SORL1: variants seen among roughly 807,000 people sequenced by gnomAD.
SORL1 encodes the protein sortilin-related receptor.
Under a neutral mutation model 273.7 loss-of-function variants are expected in SORL1, and 127 were observed. That is an observed-to-expected ratio of 0.46 (90% CI 0.40 to 0.54). SORL1 has a LOEUF of 0.54. Among genes scored for constraint, SORL1 ranks in the 20% least tolerant of loss-of-function variants. SORL1 has a pLI of 0.00. For synonymous variants in SORL1, 1,031 were observed against 1,067.4 expected, an observed-to-expected ratio of 0.97 and a Z score of 0.66; for missense variants, 2,494 against 2,846.1, an observed-to-expected ratio of 0.88 and a Z score of 2.81.
chr11:121,543,698 C>A lies in SORL1; in HGVS notation c.1836C>A (p.Ile612=), dbSNP rs769255404. The change falls in exon 13 of 48, where the codon ATC becomes ATA. Residue 612 remains isoleucine, a synonymous_variant. Coordinates refer to ENST00000260197, the MANE Select transcript of SORL1 (RefSeq NM_003105.6). ...AAGAGAATGTCCACAGCTGGCTGAT[C>A]CTCCAGGTCAATGCCACGGATGCCT... is the stretch of plus-strand genomic sequence containing the variant. ...SNKENVHSWL[I]LQVNATDALG... The A allele has an allele frequency of 6.8e-6, 11 of 1,613,642 alleles. No homozygotes were observed. In the Admixed American group the frequency reaches 1.2e-4, roughly 17 times the overall value.
chr11:121,584,448 T>C (rs922827632), intron 26 of SORL1, among the ~76,000 whole-genome samples: 1 of 152,260 alleles, frequency 6.6e-6, no homozygotes, highest in Admixed American at 6.5e-5. Flanking sequence ...CTGTTTCTGT[T>C]TGATATCCTT....
intron 1 of SORL1, among the ~76,000 whole-genome samples, chr11:121,458,804 A>G (rs2134765979): frequency 6.6e-6 from 1 of 152,354 alleles, no homozygotes; most frequent in South Asian, 2.1e-4. Flanking sequence ...AGCAAGATCA[A>G]GATTTGAGTT....
intron 14 of SORL1, among the ~76,000 whole-genome samples, chr11:121,547,653 T>C (rs1862453337): frequency 6.6e-6 from 1 of 151,850 alleles, no homozygotes; most frequent in South Asian, 2.1e-4. Flanking sequence ...AATGAGATCG[T>C]GGGGTGATGA....
chr11:121,576,072 G>A (rs2134935664), intron 24 of SORL1, among the ~76,000 whole-genome samples: 1 of 152,316 alleles, frequency 6.6e-6, no homozygotes. Context: ...CGGCTGCCTT[G>A]GGCCCCACGC....
intron 21 of SORL1, among the ~76,000 whole-genome samples, chr11:121,562,620 A>G (rs1862694654): frequency 6.6e-6 from 1 of 152,192 alleles, no homozygotes; most frequent in Non-Finnish European, 1.5e-5. Flanking sequence ...AAAGTACTGC[A>G]GTTCTTGTAC....
intron 13 of SORL1, among the ~76,000 whole-genome samples, chr11:121,544,973 C>G (rs909082094): frequency 4.6e-5 from 7 of 152,228 alleles, no homozygotes; most frequent in African/African-American, 1.7e-4. Context: ...GCACTGCTGA[C>G]TCTTCTGTAA....
chr11:121,601,583 G>GTTT (rs11430505), intron 32 of SORL1, among the ~76,000 whole-genome samples: 2,222 of 137,016 alleles, frequency 0.016, 62 homozygotes, highest in African/African-American at 0.054. Context: ...TTTAATGATT[G>GTTT]TTTTTTTTTT....
chr11:121,489,924 A>G (rs1861527279), intron 4 of SORL1, 119 bp from the exon 5 acceptor site: 2 of 740,692 alleles, frequency 2.7e-6, no homozygotes, highest in African/African-American at 3.5e-5. Context: ...TGGCAGTCTC[A>G]GTGCCTGCCT....
intron 35 of SORL1, among the ~76,000 whole-genome samples, chr11:121,605,796 A>G (rs1316526951): frequency 6.6e-6 from 1 of 152,080 alleles, no homozygotes; most frequent in Admixed American, 6.5e-5. Flanking sequence ...TCTCTCCACC[A>G]TTGCCCTCTT....
intron 3 of SORL1, among the ~76,000 whole-genome samples, chr11:121,484,474 C>T (rs1428996672): frequency 6.6e-6 from 1 of 152,012 alleles, no homozygotes; most frequent in East Asian, 1.9e-4. Context: ...GAAAACAAAA[C>T]AGGTTTGGTG....
intron 1 of SORL1, among the ~76,000 whole-genome samples, chr11:121,457,195 G>A (rs1160012348): frequency 2.0e-5 from 3 of 152,180 alleles, no homozygotes; most frequent in Non-Finnish European, 4.4e-5. Flanking sequence ...CACAGAAGGT[G>A]GAGGCTTTGC....
At chr11:121,474,486 C>T (rs1233232989) in intron 2 of SORL1, among the ~76,000 whole-genome samples, 5 of 152,134 alleles carry the variant, frequency 3.3e-5, no homozygotes, top group East Asian at 1.9e-4. Context: ...TTTATTATTA[C>T]GTAGTTTTGA....
intron 1 of SORL1, among the ~76,000 whole-genome samples, chr11:121,457,363 C>T (rs372073554): frequency 3.9e-5 from 6 of 152,140 alleles, no homozygotes; most frequent in African/African-American, 1.2e-4. Context: ...CTCTCATGCC[C>T]CCTGTTCACC....
chr11:121,521,346 T>A (rs374789652), intron 9 of SORL1, among the ~76,000 whole-genome samples: 1 of 152,222 alleles, frequency 6.6e-6, no homozygotes, highest in African/African-American at 2.4e-5. Flanking sequence ...AATATCTGGG[T>A]ACTTCCTCTT....
chr11:121,508,442 C>G (rs537162938), intron 6 of SORL1, among the ~76,000 whole-genome samples: 1 of 152,280 alleles, frequency 6.6e-6, no homozygotes, highest in East Asian at 1.9e-4. Context: ...CAGTGATAAG[C>G]CTTTGCTAAT....
intron 14 of SORL1, among the ~76,000 whole-genome samples, chr11:121,546,008 T>C (rs916658789): frequency 6.6e-6 from 1 of 152,204 alleles, no homozygotes; most frequent in African/African-American, 2.4e-5. Context: ...GGGCTGTGGA[T>C]TGCTGTTGGA....
Position 121,612,724 on chromosome 11 carries a change from G to T in SORL1, c.5323-12G>T. 3.7e-6 allele frequency: 6 copies of T among 1,608,492 alleles called. No individual in the cohort carries two copies. The highest frequency in any genetic ancestry group is 5.1e-6 in the Non-Finnish European group (6 of 1,175,008). On this transcript the variant is annotated splice_polypyrimidine_tract_variant and intron_variant, in intron 39 of 47. Coordinates refer to ENST00000260197, the MANE Select transcript of SORL1 (RefSeq NM_003105.6). ...TAGCTGTTCATCTAACATGCTTCTT[G>T]GTTCTCGGCAGGTGAATGGCTATGT...
intron 38 of SORL1, chr11:121,608,378 C>G (rs1863511533): frequency 3.6e-6 from 2 of 561,158 alleles, no homozygotes; most frequent in South Asian, 2.4e-5. Context: ...TCTTTTTCCT[C>G]CTAGTATTGA....
chr11:121,519,447 G>T (rs576592417), intron 8 of SORL1, among the ~76,000 whole-genome samples: 7 of 148,166 alleles, frequency 4.7e-5, no homozygotes, highest in Admixed American at 3.4e-4. Context: ...TCGCTCTGTC[G>T]CCCAGGCTGG....
Sources: allele counts gnomAD v4.1 joint callset (sites outside exome capture counted in the v4.1 genomes callset), GRCh38; gene constraint gnomAD v4.1.1; transcripts MANE v1.5; gene names NCBI Gene and HGNC (gene_info 2026-07-23, HGNC 2026-07-21).